Variants in TRHDE observed in about 807,000 individuals in gnomAD.
The protein encoded by TRHDE is thyrotropin releasing hormone degrading enzyme.
In TRHDE, 72 loss-of-function variants were observed where a neutral mutation model predicts 125.7. That is an observed-to-expected ratio of 0.57 (90% CI 0.47 to 0.70). The LOEUF (loss-of-function observed/expected upper bound fraction) is 0.70, where lower values mean the gene tolerates loss of function less well. TRHDE is among the 30% of genes least tolerant of loss of function. TRHDE has a pLI of 0.00. For missense variants in TRHDE, 1,110 were observed against 1,327.1 expected (o/e 0.84, Z 2.54); for synonymous variants, 509 against 509.1 (o/e 1.00, Z 0.00).
intron 2 of TRHDE, among the ~76,000 whole-genome samples, chr12:72,374,295 GTGTGT>G (rs1565717983): frequency 1.8e-3 from 116 of 63,294 alleles, no homozygotes; most frequent in Middle Eastern, 7.8e-3. Flanking sequence ...AAGGAGAAGT[GTGTGT>G]GTGTGTGTGT....
chr12:72,198,632 C>T (rs946921085), intron 2 of TRHDE, among the ~76,000 whole-genome samples: 1 of 152,116 alleles, frequency 6.6e-6, no homozygotes, highest in Non-Finnish European at 1.5e-5. Flanking sequence ...AAAAGTTCTT[C>T]CTGTCTGAAC....
chr12:72,224,212 A>ATCTATCTG (rs1878075894), intron 2 of TRHDE, among the ~76,000 whole-genome samples: 1 of 148,184 alleles, frequency 6.7e-6, no homozygotes, highest in East Asian at 2.0e-4. Context: ...CTATCTATCT[A>ATCTATCTG]TCATCTATCT....
chr12:72,479,280 A>G (rs557785458), intron 5 of TRHDE, among the ~76,000 whole-genome samples: 1 of 152,278 alleles, frequency 6.6e-6, no homozygotes, highest in East Asian at 1.9e-4. Flanking sequence ...TTGCACTTGT[A>G]GTTCTTATAT....
intron 2 of TRHDE, among the ~76,000 whole-genome samples, chr12:72,181,796 C>A (rs142141004): frequency 8.0e-4 from 122 of 152,030 alleles, no homozygotes; most frequent in African/African-American, 2.9e-3. Flanking sequence ...TGGATAACTT[C>A]AATTTTGGAG....
At chr12:72,445,918 G>A (rs1009064890) in intron 3 of TRHDE, among the ~76,000 whole-genome samples, 1 of 151,886 alleles carries the variant, frequency 6.6e-6, no homozygotes, top group Non-Finnish European at 1.5e-5. Context: ...GCATTCCCAT[G>A]TGGGCACTGG....
chr12:72,315,952 AAC>A (rs777376646), intron 2 of TRHDE, among the ~76,000 whole-genome samples: 2 of 152,128 alleles, frequency 1.3e-5, no homozygotes, highest in Non-Finnish European at 2.9e-5. Flanking sequence ...GGGGGAGAAA[AAC>A]ACAACTAAAT....
intron 2 of TRHDE, among the ~76,000 whole-genome samples, chr12:72,324,088 C>T (rs766398675): frequency 2.6e-5 from 4 of 152,194 alleles, no homozygotes; most frequent in Admixed American, 6.5e-5. Flanking sequence ...TCATTTGCAT[C>T]AGCCCGTTGA....
chr12:72,430,412 TGC>T (rs1565738342), intron 3 of TRHDE, among the ~76,000 whole-genome samples: 3 of 145,178 alleles, frequency 2.1e-5, no homozygotes, highest in African/African-American at 7.7e-5. Context: ...TATATATATG[TGC>T]ATATATATAC....
chr12:72,247,991 ATCTG>A (rs1878605606), intron 2 of TRHDE, among the ~76,000 whole-genome samples: 1 of 152,036 alleles, frequency 6.6e-6, no homozygotes, highest in Admixed American at 6.6e-5. Flanking sequence ...TTAATTAATC[ATCTG>A]TCTCAGTGTG....
intron 2 of TRHDE, among the ~76,000 whole-genome samples, chr12:72,340,220 T>C (rs2135729120): frequency 6.6e-6 from 1 of 152,304 alleles, no homozygotes; most frequent in African/African-American, 2.4e-5. Context: ...TTACTTGGTG[T>C]GTGTAGAAGT....
intron 2 of TRHDE, among the ~76,000 whole-genome samples, chr12:72,130,472 G>A (rs1339202967): frequency 6.6e-6 from 1 of 152,128 alleles, no homozygotes. Flanking sequence ...GTATAAGAGG[G>A]GAAAGGATTG....
chr12:72,413,548 A>G (rs1384751422), intron 3 of TRHDE, among the ~76,000 whole-genome samples: 1 of 151,904 alleles, frequency 6.6e-6, no homozygotes, highest in Non-Finnish European at 1.5e-5. Flanking sequence ...TTTTTTAAAT[A>G]TATCTACTAG....
intron 3 of TRHDE, among the ~76,000 whole-genome samples, chr12:72,417,900 A>AT (rs1385682146): frequency 1.3e-5 from 2 of 151,966 alleles, no homozygotes; most frequent in African/African-American, 4.8e-5. Flanking sequence ...CATATTTTTT[A>AT]TTAAGTGCAG....
chr12:72,297,825 G>A (rs541465853), intron 2 of TRHDE, among the ~76,000 whole-genome samples: 66 of 152,314 alleles, frequency 4.3e-4, no homozygotes, highest in Non-Finnish European at 8.7e-4. Flanking sequence ...AAGGATAAAA[G>A]TGTTGAGAAA....
chr12:72,594,438 G>A (rs1042066490), intron 12 of TRHDE, among the ~76,000 whole-genome samples: 6 of 150,400 alleles, frequency 4.0e-5, no homozygotes, highest in East Asian at 2.0e-4. Context: ...GGCTGGTCTC[G>A]AACTCCCGGC....
At chr12:72,169,922 TG>T (rs1876833800) in intron 2 of TRHDE, among the ~76,000 whole-genome samples, 1 of 152,238 alleles carries the variant, frequency 6.6e-6, no homozygotes, top group African/African-American at 2.4e-5. Context: ...ACTCGGACTT[TG>T]GGGTTAGATC....
intron 2 of TRHDE, among the ~76,000 whole-genome samples, chr12:72,209,290 T>C (rs1642730347): frequency 6.6e-6 from 1 of 152,224 alleles, no homozygotes; most frequent in African/African-American, 2.4e-5. Flanking sequence ...CAGGCCTCCC[T>C]CTGACCATAT....
chr12:72,557,692 A>T (rs1869986682), intron 7 of TRHDE, among the ~76,000 whole-genome samples: 1 of 152,106 alleles, frequency 6.6e-6, no homozygotes, highest in Non-Finnish European at 1.5e-5. Context: ...TACACATGAC[A>T]TGTTATGAAG....
At chr12:72,120,387 G>A (rs1875549892) in intron 2 of TRHDE, among the ~76,000 whole-genome samples, 1 of 151,846 alleles carries the variant, frequency 6.6e-6, no homozygotes, top group African/African-American at 2.4e-5. Flanking sequence ...TAGTTGTTTT[G>A]TAGTCTTCTC....
Sources: gnomAD v4.1 joint callset for allele counts (sites outside exome capture counted in the v4.1 genomes callset) on GRCh38, gnomAD v4.1.1 for gene constraint, MANE v1.5 for transcripts, NCBI Gene and HGNC (gene_info 2026-07-23, HGNC 2026-07-21) for gene names.